ATXN1: variants seen among roughly 807,000 people sequenced by gnomAD.
The protein encoded by ATXN1 is ataxin 1.
In ATXN1, 8 loss-of-function variants were observed where a neutral mutation model predicts 56.4. The ratio of observed to expected loss-of-function variants is 0.14; its 90% confidence interval spans 0.08 to 0.26. The LOEUF (loss-of-function observed/expected upper bound fraction) is 0.26. Ranked by LOEUF, ATXN1 falls within the 10% of genes least tolerant of loss-of-function variation. The probability of loss-of-function intolerance (pLI) is 1.00; values close to 1 mark genes in which losing one functional copy is unlikely to be tolerated. For missense variants in ATXN1, 987 were observed against 1,106.5 expected, an observed-to-expected ratio of 0.89 and a Z score of 1.53; for synonymous variants, 514 against 494.6, an observed-to-expected ratio of 1.04 and a Z score of -0.52.
At chr6:16,620,481 T>A (rs974307593) in intron 3 of ATXN1, among the ~76,000 whole-genome samples, 5 of 151,416 alleles carry the variant, frequency 3.3e-5, no homozygotes, top group South Asian at 4.2e-4. Context: ...TCTCTCTCTC[T>A]CACACACACA....
intron 6 of ATXN1, chr6:16,432,873 T>C (rs1295116913): frequency 6.6e-6 from 1 of 152,222 alleles, no homozygotes; most frequent in East Asian, 1.9e-4. Context: ...AGTTTCTATG[T>C]ATTTCAATCT....
rs898036252 is a variant in ATXN1 at position 16,585,762 on chromosome 6, G to A, written c.-361+18C>T. The A allele has an allele frequency of 6.6e-6, 1 of 152,124 alleles. No individual in the cohort carries two copies. The highest frequency in any genetic ancestry group is 2.4e-5 in the African/African-American group (1 of 41,424). 9.4% of individuals were successfully genotyped at this position (152,124 alleles called of 1,614,324 possible). ...TCAATGATAATTATTTTCCTTTAAA[G>A]CTTTTGGAGATGTTTACCTGTACCA... On this transcript the variant is annotated intron_variant, in intron 4 of 7. Coordinates refer to ENST00000436367, the MANE Select transcript of ATXN1 (RefSeq NM_001128164.2).
chr6:16,435,363 G>A (rs185266299), intron 6 of ATXN1, among the ~76,000 whole-genome samples: 98 of 152,072 alleles, frequency 6.4e-4, no homozygotes, highest in Non-Finnish European at 1.2e-3. Context: ...GAACACTTAA[G>A]TGGAGAAGCA....
At chr6:16,335,356 G>A (rs1761094801) in intron 6 of ATXN1, among the ~76,000 whole-genome samples, 1 of 152,202 alleles carries the variant, frequency 6.6e-6, no homozygotes, top group Non-Finnish European at 1.5e-5. Flanking sequence ...GCTGGGACCT[G>A]GCACAACTTT....
At chr6:16,573,808 C>G (rs1762374114) in intron 4 of ATXN1, among the ~76,000 whole-genome samples, 1 of 152,138 alleles carries the variant, frequency 6.6e-6, no homozygotes. Context: ...AATGACCCCT[C>G]AGTTTCCTCC....
intron 6 of ATXN1, among the ~76,000 whole-genome samples, chr6:16,453,612 C>T (rs1430495854): frequency 6.6e-6 from 1 of 152,060 alleles, no homozygotes; most frequent in Non-Finnish European, 1.5e-5. Context: ...TCATCTTCAC[C>T]TGATACTTTA....
At chr6:16,733,149 GACA>G (rs1389111297) in intron 2 of ATXN1, among the ~76,000 whole-genome samples, 1 of 152,210 alleles carries the variant, frequency 6.6e-6, no homozygotes, top group Non-Finnish European at 1.5e-5. Flanking sequence ...AGCATTAAGG[GACA>G]ACAACAAGGT....
At chr6:16,388,729 C>A (rs1268019889) in intron 6 of ATXN1, among the ~76,000 whole-genome samples, 1 of 152,110 alleles carries the variant, frequency 6.6e-6, no homozygotes, top group Non-Finnish European at 1.5e-5. Flanking sequence ...GCTATGTGAC[C>A]TTTAGTGACT....
At chr6:16,664,455 T>C (rs6906713) in intron 2 of ATXN1, among the ~76,000 whole-genome samples, 6 of 152,276 alleles carry the variant, frequency 3.9e-5, no homozygotes, top group Admixed American at 1.3e-4. Context: ...TTATATTCCA[T>C]TGTGGAACAT....
At chr6:16,718,963 A>C (rs1759693545) in intron 2 of ATXN1, among the ~76,000 whole-genome samples, 1 of 152,198 alleles carries the variant, frequency 6.6e-6, no homozygotes, top group African/African-American at 2.4e-5. Context: ...ATAATTTGGG[A>C]AGTGGCTTTG....
intron 2 of ATXN1, among the ~76,000 whole-genome samples, chr6:16,699,479 A>G (rs983827595): frequency 3.3e-5 from 5 of 152,254 alleles, no homozygotes; most frequent in Non-Finnish European, 5.9e-5. Context: ...AGTGGGTTTC[A>G]GGGAGGACTG....
chr6:16,615,599 G>A (rs543868942), intron 3 of ATXN1: 255 of 149,128 alleles, frequency 1.7e-3, no homozygotes, highest in African/African-American at 6.1e-3. Context: ...TTATCAAAGC[G>A]GCCAAAAAGG....
At chr6:16,708,324 G>A (rs1417341015) in intron 2 of ATXN1, among the ~76,000 whole-genome samples, 1 of 151,988 alleles carries the variant, frequency 6.6e-6, no homozygotes, top group African/African-American at 2.4e-5. Context: ...CAACAACTAT[G>A]AAGAGAAATA....
At chr6:16,708,053 G>C (rs943263982) in intron 2 of ATXN1, among the ~76,000 whole-genome samples, 2 of 152,084 alleles carry the variant, frequency 1.3e-5, no homozygotes, top group Non-Finnish European at 2.9e-5. Flanking sequence ...ATATGTGGTG[G>C]GGGGGAAGAA....
chr6:16,464,204 C>T (rs548367130), intron 6 of ATXN1, among the ~76,000 whole-genome samples: 11 of 152,278 alleles, frequency 7.2e-5, no homozygotes, highest in African/African-American at 2.6e-4. Context: ...AGGAACTTTC[C>T]TGTCTTACAA....
At chr6:16,407,196 A>G (rs1044091047) in intron 6 of ATXN1, among the ~76,000 whole-genome samples, 1 of 152,250 alleles carries the variant, frequency 6.6e-6, no homozygotes, top group Non-Finnish European at 1.5e-5. Flanking sequence ...ACTTGGCTTC[A>G]TTTTAAAAGA....
chr6:16,352,054 C>G (rs1449767087), intron 6 of ATXN1, among the ~76,000 whole-genome samples: 1 of 152,180 alleles, frequency 6.6e-6, no homozygotes, highest in East Asian at 1.9e-4. Flanking sequence ...CATTTTATCT[C>G]CACATCTGAT....
At chr6:16,318,617 T>C (rs1364640183) in intron 7 of ATXN1, among the ~76,000 whole-genome samples, 1 of 152,234 alleles carries the variant, frequency 6.6e-6, no homozygotes, top group Non-Finnish European at 1.5e-5. Flanking sequence ...GAGTGTTCTA[T>C]TTAAAACACT....
At chr6:16,611,449 T>C (rs921702764) in intron 3 of ATXN1, among the ~76,000 whole-genome samples, 2 of 152,124 alleles carry the variant, frequency 1.3e-5, no homozygotes, top group Non-Finnish European at 2.9e-5. Context: ...TGACAAAAAT[T>C]AGAATAAGCG....
Sources: gnomAD v4.1 joint callset for allele counts (sites outside exome capture counted in the v4.1 genomes callset) on GRCh38, gnomAD v4.1.1 for gene constraint, MANE v1.5 for transcripts, NCBI Gene and HGNC (gene_info 2026-07-23, HGNC 2026-07-21) for gene names.